The following MAML2 variants were observed in gnomAD, a reference collection of about 807,000 sequenced individuals.
MAML2 encodes mastermind-like protein 2.
In MAML2, 22 loss-of-function variants were observed where a neutral mutation model predicts 96.1. That is an observed-to-expected ratio of 0.23 (90% CI 0.16 to 0.33). The LOEUF is 0.33. Ranked by LOEUF, MAML2 falls within the 10% of genes least tolerant of loss-of-function variation. MAML2 has a pLI of 1.00. For synonymous variants in MAML2, 561 were observed against 521.3 expected, an observed-to-expected ratio of 1.08 and a Z score of -1.04; for missense variants, 1,367 against 1,392.4, an observed-to-expected ratio of 0.98 and a Z score of 0.29.
chr11:96,148,021 A>G (rs1489459223), intron 1 of MAML2, among the ~76,000 whole-genome samples: 1 of 152,174 alleles, frequency 6.6e-6, no homozygotes, highest in Non-Finnish European at 1.5e-5. Context: ...AGATAGAAAT[A>G]TATCTCTGTC....
Position 95,978,820 on chromosome 11 carries a change from G to T in MAML2, c.*128C>A. On this transcript the variant is annotated 3_prime_UTR_variant, in exon 5 of 5. Coordinates refer to ENST00000524717, the MANE Select transcript of MAML2 (RefSeq NM_032427.4). ...ATGTTCATCACTGCAGTTACTTTCT[G>T]CTTTCCATTTTTAAGCATGTTATCT... The T allele has an allele frequency of 1.1e-6, 1 of 882,640 alleles. No homozygotes were observed. Among genetic ancestry groups the T allele is most frequent in the Non-Finnish European group, 1.7e-6 (1 of 598,928 alleles). 54.7% of individuals were successfully genotyped at this position (882,640 alleles called of 1,614,324 possible). A position where few individuals can be genotyped will look rare whatever the true frequency, so the allele number is the denominator to read the frequency against.
chr11:96,091,864 T>C (rs1482296669), intron 2 of MAML2, 28 bp downstream of exon 2: 18 of 1,596,330 alleles, frequency 1.1e-5, no homozygotes, highest in Non-Finnish European at 1.5e-5. Flanking sequence ...CTCTGGGAAC[T>C]CTGTATTTGG....
chr11:96,149,781 G>C (rs1019514396), intron 1 of MAML2, among the ~76,000 whole-genome samples: 1 of 152,110 alleles, frequency 6.6e-6, no homozygotes, highest in African/African-American at 2.4e-5. Flanking sequence ...GTTTGCCTCT[G>C]TCTGCTCTCT....
intron 1 of MAML2, among the ~76,000 whole-genome samples, chr11:96,305,379 T>A (rs1384633596): frequency 1.3e-5 from 2 of 152,172 alleles, no homozygotes; most frequent in Non-Finnish European, 2.9e-5. Context: ...TCAATGTAGG[T>A]CCACTAATTG....
At chr11:96,173,869 C>T (rs868415739) in intron 1 of MAML2, among the ~76,000 whole-genome samples, 7 of 152,206 alleles carry the variant, frequency 4.6e-5, no homozygotes, top group Non-Finnish European at 8.8e-5. Context: ...AAGATATGTA[C>T]TATTGTTTTT....
intron 1 of MAML2, among the ~76,000 whole-genome samples, chr11:96,107,936 T>C (rs1165327711): frequency 2.6e-5 from 4 of 152,210 alleles, no homozygotes; most frequent in Non-Finnish European, 5.9e-5. Flanking sequence ...GTAGCTCTTA[T>C]AATATCCTTT....
At chr11:96,017,059 T>C (rs1427501173) in intron 2 of MAML2, among the ~76,000 whole-genome samples, 2 of 152,202 alleles carry the variant, frequency 1.3e-5, no homozygotes, top group Non-Finnish European at 2.9e-5. Flanking sequence ...ATACTCAACA[T>C]GTATTGAGGG....
intron 1 of MAML2, among the ~76,000 whole-genome samples, chr11:96,152,822 G>T (rs1226126593): frequency 6.6e-6 from 1 of 152,174 alleles, no homozygotes; most frequent in East Asian, 1.9e-4. Context: ...AACATGTCGG[G>T]GCATTCTAGG....
At chr11:96,218,500 G>C (rs540458946) in intron 1 of MAML2, among the ~76,000 whole-genome samples, 24 of 152,132 alleles carry the variant, frequency 1.6e-4, no homozygotes, top group Non-Finnish European at 2.9e-4. Context: ...AGAATTTCTT[G>C]AATAAATAAA....
rs1157893034 is a variant in MAML2, at chr11:96,159,404, A to ATTTT, written c.514-65888_514-65887insAAAA. Among the ~76,000 whole-genome samples, 68 of 62,000 alleles carry ATTTT rather than the reference A, an allele frequency of 1.1e-3. 14 individuals carry two copies. Among genetic ancestry groups the ATTTT allele is most frequent in the Non-Finnish European group, 1.1e-3 (35 of 31,318 alleles). 40.7% of individuals were successfully genotyped at this position (62,000 alleles called of 152,430 possible). A position where few individuals can be genotyped will look rare whatever the true frequency, so the allele number is the denominator to read the frequency against. On this transcript the variant is annotated intron_variant, in intron 1 of 4. Transcript: ENST00000524717. ...TACTAACCGTGCCTCTAAACCACTG[A>ATTTT]TTCTTTTTTTTTTTTTTTTTTTTTT...
chr11:96,288,793 C>T (rs1863173902), intron 1 of MAML2, among the ~76,000 whole-genome samples: 1 of 152,078 alleles, frequency 6.6e-6, no homozygotes, highest in Non-Finnish European at 1.5e-5. Context: ...CGGCGAAACT[C>T]AAAAGGTTTT....
At chr11:96,040,854 G>A (rs7927832) in intron 2 of MAML2, among the ~76,000 whole-genome samples, 1 of 152,280 alleles carries the variant, frequency 6.6e-6, no homozygotes, top group East Asian at 1.9e-4. Context: ...TTTTCAAATA[G>A]CAAAGCTCAG....
intron 1 of MAML2, among the ~76,000 whole-genome samples, chr11:96,239,883 A>G (rs1050828646): frequency 5.9e-5 from 9 of 152,198 alleles, no homozygotes; most frequent in Admixed American, 6.5e-5. Context: ...TGACCTGTCC[A>G]TGTCTTCTTA....
intron 2 of MAML2, among the ~76,000 whole-genome samples, chr11:95,994,425 A>T (rs563731018): frequency 7.9e-5 from 12 of 152,294 alleles, no homozygotes; most frequent in African/African-American, 2.9e-4. Context: ...CTTGGAGACA[A>T]GTACTTGAGG....
At chr11:96,136,802 C>T (rs566700863) in intron 1 of MAML2, among the ~76,000 whole-genome samples, 6 of 152,302 alleles carry the variant, frequency 3.9e-5, no homozygotes, top group Admixed American at 1.3e-4. Context: ...GCTGACCTTT[C>T]ACTTAGATCA....
In MAML2 at chr11:96,200,935, G is replaced by T. The variant is rs747502664; in HGVS notation, c.514-107418C>A. Among the ~76,000 whole-genome samples, 3 of 151,922 alleles carry T rather than the reference G, an allele frequency of 2.0e-5. 1 individual carries two copies. Among genetic ancestry groups the T allele is most frequent in the Non-Finnish European group, 4.4e-5 (3 of 68,006 alleles). ...TCTATATAACAAAAACAACCAGGAT[G>T]ATAAGCTTTATTTCTGAATTTCTTT... On this transcript the variant is annotated intron_variant, in intron 1 of 4. Coordinates refer to ENST00000524717, the MANE Select transcript of MAML2 (RefSeq NM_032427.4).
intron 2 of MAML2, among the ~76,000 whole-genome samples, chr11:96,041,098 G>A (rs1161580501): frequency 6.6e-6 from 1 of 152,072 alleles, no homozygotes; most frequent in African/African-American, 2.4e-5. Flanking sequence ...CTAGTTGCTG[G>A]CTATCCTAAA....
rs1198729160 is a variant in MAML2, at chr11:96,155,378, T to C, written c.514-61861A>G. ...AATATTTAGTTCCACCCTGCCTTCT[T>C]GCTGATCACATTCCTTGAAATGGTC... On this transcript the variant is annotated intron_variant, in intron 1 of 4. Transcript: ENST00000524717. Among the ~76,000 whole-genome samples, 3 of 151,566 alleles carry C rather than the reference T, an allele frequency of 2.0e-5. No individual in the cohort carries two copies. In the East Asian group the frequency reaches 5.8e-4, roughly 29 times the overall value.
At chr11:96,180,671 G>C (rs1300801480) in intron 1 of MAML2, among the ~76,000 whole-genome samples, 1 of 152,178 alleles carries the variant, frequency 6.6e-6, no homozygotes, top group Non-Finnish European at 1.5e-5. Context: ...GGGCAAAACA[G>C]ATGTTGTCAT....
Sources: allele counts gnomAD v4.1 joint callset (sites outside exome capture counted in the v4.1 genomes callset), GRCh38; gene constraint gnomAD v4.1.1; transcripts MANE v1.5; gene names NCBI Gene and HGNC (gene_info 2026-07-23, HGNC 2026-07-21).